Variants in ERBB4 observed in about 807,000 individuals in gnomAD.
ERBB4 encodes the protein erb-b2 receptor tyrosine kinase 4, also known as receptor tyrosine-protein kinase erbB-4.
Under a neutral mutation model 158.0 loss-of-function variants are expected in ERBB4, and 42 were observed. The observed-to-expected ratio is 0.27, with a 90% CI of 0.21 to 0.34. The LOEUF is 0.34. Ranked by LOEUF, ERBB4 falls within the 10% of genes least tolerant of loss-of-function variation. ERBB4 has a pLI of 1.00. For missense variants in ERBB4, 1,333 were observed against 1,624.1 expected, an observed-to-expected ratio of 0.82 and a Z score of 3.08; for synonymous variants, 583 against 558.7, an observed-to-expected ratio of 1.04 and a Z score of -0.61.
At chr2:211,653,881 A>G (rs1187823729) in intron 16 of ERBB4, among the ~76,000 whole-genome samples, 4 of 152,020 alleles carry the variant, frequency 2.6e-5, no homozygotes, top group East Asian at 1.9e-4. Flanking sequence ...TCACCGTGTT[A>G]GCCAGGCTTG....
At chr2:212,209,896 C>G (rs1225944346) in intron 1 of ERBB4, among the ~76,000 whole-genome samples, 1 of 152,050 alleles carries the variant, frequency 6.6e-6, no homozygotes, top group Non-Finnish European at 1.5e-5. Flanking sequence ...ACACCCTTTC[C>G]TCATTCAAAC....
chr2:212,480,137 G>A (rs936105249), intron 1 of ERBB4, among the ~76,000 whole-genome samples: 2 of 151,932 alleles, frequency 1.3e-5, no homozygotes, highest in Non-Finnish European at 2.9e-5. Flanking sequence ...AAAGGAAGAT[G>A]GTACTTAAAA....
chr2:211,419,211 C>A (rs1447775018), intron 25 of ERBB4, among the ~76,000 whole-genome samples: 1 of 152,050 alleles, frequency 6.6e-6, no homozygotes, highest in Non-Finnish European at 1.5e-5. Context: ...AGCTGTGTGA[C>A]ACCAGTCATA....
chr2:211,570,119 G>A (rs2067670637), intron 19 of ERBB4, among the ~76,000 whole-genome samples: 1 of 151,912 alleles, frequency 6.6e-6, no homozygotes, highest in South Asian at 2.1e-4. Flanking sequence ...TCTTTTAGTT[G>A]TTTAAAATTT....
At chr2:212,417,936 C>T (rs1245429479) in intron 1 of ERBB4, among the ~76,000 whole-genome samples, 1 of 151,882 alleles carries the variant, frequency 6.6e-6, no homozygotes. Context: ...GGTTTAGATG[C>T]AGTCATAAGG....
intron 2 of ERBB4, among the ~76,000 whole-genome samples, chr2:212,097,540 G>T (rs557155793): frequency 1.3e-5 from 2 of 152,278 alleles, no homozygotes; most frequent in East Asian, 3.9e-4. Context: ...TTAAGAGATA[G>T]ATTTGGGCAG....
chr2:211,628,881 A>G (rs945174308), intron 17 of ERBB4, among the ~76,000 whole-genome samples: 1 of 152,146 alleles, frequency 6.6e-6, no homozygotes, highest in African/African-American at 2.4e-5. Flanking sequence ...GTGAAATGGT[A>G]TCTCATTGTG....
chr2:211,799,239 T>C lies in ERBB4; in HGVS notation c.422-11080A>G, dbSNP rs969125697. 3.3e-5 allele frequency among the ~76,000 whole-genome samples: 5 copies of C among 152,154 alleles called. No homozygotes were observed. The South Asian group carries it at 6.2e-4, about 19-fold the overall frequency. ...ATGGTCCTTACCACCACCCAATCATTTTCTCCACTGTAAAAATTATTTTCA... is the reference window on the plus strand; with the variant it reads ...ATGGTCCTTACCACCACCCAATCATCTTCTCCACTGTAAAAATTATTTTCA... On this transcript the variant is annotated intron_variant, in intron 3 of 27. Coordinates refer to ENST00000342788, the MANE Select transcript of ERBB4 (RefSeq NM_005235.3).
At chr2:212,096,206 G>A (rs1419984183) in intron 2 of ERBB4, among the ~76,000 whole-genome samples, 1 of 152,008 alleles carries the variant, frequency 6.6e-6, no homozygotes, top group Non-Finnish European at 1.5e-5. Flanking sequence ...GGGTTTAAGA[G>A]GTCAGTTACA....
chr2:211,813,440 T>C (rs2076805213), intron 3 of ERBB4, among the ~76,000 whole-genome samples: 1 of 152,204 alleles, frequency 6.6e-6, no homozygotes, highest in African/African-American at 2.4e-5. Flanking sequence ...TTTTATTCCA[T>C]GGCACATTCT....
At chr2:212,244,164 TA>T (rs2084224032) in intron 1 of ERBB4, among the ~76,000 whole-genome samples, 1 of 152,120 alleles carries the variant, frequency 6.6e-6, no homozygotes, top group African/African-American at 2.4e-5. Flanking sequence ...ATAATGGGCA[TA>T]TTAACAAAAA....
At chr2:212,067,956 T>C (rs2077993342) in intron 2 of ERBB4, among the ~76,000 whole-genome samples, 1 of 152,036 alleles carries the variant, frequency 6.6e-6, no homozygotes, top group East Asian at 1.9e-4. Flanking sequence ...ATACATTGGG[T>C]ACTATATAGA....
intron 1 of ERBB4, among the ~76,000 whole-genome samples, chr2:212,280,416 C>A (rs1171700187): frequency 1.3e-5 from 2 of 151,652 alleles, no homozygotes; most frequent in East Asian, 1.9e-4. Flanking sequence ...AGCCAAAATT[C>A]TTTAACACTT....
chr2:212,532,264 G>A (rs960122782), intron 1 of ERBB4, among the ~76,000 whole-genome samples: 2 of 152,108 alleles, frequency 1.3e-5, no homozygotes, highest in Admixed American at 6.5e-5. Flanking sequence ...TTCTAGTGCC[G>A]GACTTCTATG....
intron 20 of ERBB4, among the ~76,000 whole-genome samples, chr2:211,436,737 T>C (rs17803152): frequency 0.05 from 7,599 of 152,316 alleles, 226 homozygotes; most frequent in Non-Finnish European, 0.072. Context: ...CATATACTTA[T>C]AACCTACCCA....
chr2:211,807,118 G>C (rs2076636208), intron 3 of ERBB4, among the ~76,000 whole-genome samples: 1 of 152,016 alleles, frequency 6.6e-6, no homozygotes, highest in African/African-American at 2.4e-5. Context: ...TAATGAGCTA[G>C]AGAGTAGACA....
chr2:211,906,963 G>A (rs962141568), intron 3 of ERBB4, among the ~76,000 whole-genome samples: 1 of 151,578 alleles, frequency 6.6e-6, no homozygotes, highest in African/African-American at 2.4e-5. Context: ...AAGAGGCAGT[G>A]GTGTGTACCA....
intron 1 of ERBB4, among the ~76,000 whole-genome samples, chr2:212,322,582 G>A (rs1453327978): frequency 6.6e-6 from 1 of 150,490 alleles, no homozygotes; most frequent in East Asian, 1.9e-4. Context: ...TGGGGAAGAG[G>A]TTATTAGATG....
intron 22 of ERBB4, among the ~76,000 whole-genome samples, chr2:211,426,161 T>C (rs1271468492): frequency 8.4e-6 from 1 of 118,734 alleles, no homozygotes; most frequent in African/African-American, 3.4e-5. Flanking sequence ...TAAAAAACTC[T>C]ACTTCTTCTG....
Sources: gnomAD v4.1 joint callset for allele counts (sites outside exome capture counted in the v4.1 genomes callset) on GRCh38, gnomAD v4.1.1 for gene constraint, MANE v1.5 for transcripts, NCBI Gene and HGNC (gene_info 2026-07-23, HGNC 2026-07-21) for gene names.